Variants in PLEKHG5 observed in about 807,000 individuals in gnomAD.
PLEKHG5 encodes the protein pleckstrin homology domain-containing family G member 5.
Under a neutral mutation model 103.8 loss-of-function variants are expected in PLEKHG5, and 52 were observed. That is an observed-to-expected ratio of 0.50 (90% CI 0.40 to 0.63). PLEKHG5 has a LOEUF of 0.63. Ranked by LOEUF, PLEKHG5 falls within the 30% of genes least tolerant of loss-of-function variation. The pLI, the probability that PLEKHG5 is intolerant of heterozygous loss-of-function variation, is 0.00. For missense variants in PLEKHG5, 1,205 were observed against 1,347.6 expected, an observed-to-expected ratio of 0.89 and a Z score of 1.66; for synonymous variants, 592 against 575.5, an observed-to-expected ratio of 1.03 and a Z score of -0.41.
At chr1:6,470,694 G>A (rs779230484) in intron 14 of PLEKHG5, 41 bp downstream of exon 14, 2 of 1,552,224 alleles carry the variant, frequency 1.3e-6, no homozygotes, top group African/African-American at 2.7e-5. Flanking sequence ...GGAGCAGAGA[G>A]CCGCGCAGGG....
intron 1 of PLEKHG5, among the ~76,000 whole-genome samples, chr1:6,483,868 C>A (rs2148610670): frequency 6.6e-6 from 1 of 152,350 alleles, no homozygotes; most frequent in South Asian, 2.1e-4. Context: ...TGGGAGCCCC[C>A]CGTCTGCGGG....
chr1:6,469,028 A>C lies in PLEKHG5; in HGVS notation c.2249+14T>G, dbSNP rs1397854844. The C allele has an allele frequency of 3.7e-6, 6 of 1,610,376 alleles. No homozygotes were observed. In the African/African-American group the frequency reaches 6.7e-5, roughly 18 times the overall value. Reference sequence around the variant, plus strand: ...TCCTGGTTTGACCTGCTGGGTGGTCATGAGCAGACGTACCAGTGCTGAGAG... The same window carrying C: ...TCCTGGTTTGACCTGCTGGGTGGTCCTGAGCAGACGTACCAGTGCTGAGAG... On this transcript the variant is annotated intron_variant, in intron 19 of 20. Transcript: ENST00000377728.
At position 6,474,224 on chromosome 1, in the gene PLEKHG5, C is replaced by T. The variant is rs558928481; in HGVS notation, c.440-60G>A. ...CTGGTCTGGTGGAGGAGGGGGTCCC[C>T]GGTCCTCTCTCCCCGGAGGATCCAC... On this transcript the variant is annotated intron_variant, in intron 6 of 20. Coordinates refer to ENST00000377728, the MANE Select transcript of PLEKHG5 (RefSeq NM_020631.6). 500 of 1,586,684 alleles carry T rather than the reference C, an allele frequency of 3.2e-4. 4 individuals are homozygous for T. In the African/African-American group the frequency reaches 5.1e-3, roughly 16 times the overall value.
chr1:6,507,740 C>G (rs369382544), intron 1 of PLEKHG5, among the ~76,000 whole-genome samples: 1 of 152,198 alleles, frequency 6.6e-6, no homozygotes, highest in African/African-American at 2.4e-5. Flanking sequence ...TTGAATAATT[C>G]GAACCATATG....
Position 6,470,590 on chromosome 1 carries a change from C to T in PLEKHG5, c.1596G>A (p.Arg532=), listed in dbSNP as rs777519794. The change falls in exon 15 of 21, where the codon CGG becomes CGA. Residue 532 remains arginine (R), a synonymous_variant. Coordinates refer to ENST00000377728, the MANE Select transcript of PLEKHG5 (RefSeq NM_020631.6). The part of the protein sequence containing the change: ...IHHVNACMRQ[R]QERQRLAAVV... ...CGGCCGCCAGCCGCTGCCGCTCCTG[C>T]CGCTGCCGCATGCACGCGTTCACGT... The T allele has an allele frequency of 1.9e-5, 30 of 1,602,966 alleles. No homozygotes were observed. The Middle Eastern group carries it at 6.9e-4, about 37-fold the overall frequency.
upstream of PLEKHG5, among the ~76,000 whole-genome samples, chr1:6,493,284 G>C (rs1645177760): frequency 6.6e-6 from 1 of 152,192 alleles, no homozygotes; most frequent in Non-Finnish European, 1.5e-5. Context: ...TCACCTCCAG[G>C]AGGGCATCCC....
At position 6,474,163 on chromosome 1, in the gene PLEKHG5, G is replaced by T. The variant is rs1387784761; in HGVS notation, c.441C>A (p.Ala147=). The change falls in exon 7 of 21, where the codon GCC becomes GCA. Residue 147 remains alanine, a splice_region_variant and synonymous_variant. Coordinates refer to ENST00000377728, the MANE Select transcript of PLEKHG5 (RefSeq NM_020631.6). The part of the protein sequence containing the change: ...RFGGHYLRVK[A]PAKPGDEGKV... ...TGCCCTCATCTCCAGGCTTGGCTGG[G>T]GCTGCATGTGGGGGCCACGAGAGAT... 6 of 1,613,328 alleles carry T rather than the reference G, an allele frequency of 3.7e-6. No individual in the cohort carries two copies. The highest frequency in any genetic ancestry group is 5.1e-6 in the Non-Finnish European group (6 of 1,179,920).
intron 1 of PLEKHG5, among the ~76,000 whole-genome samples, chr1:6,479,577 T>C (rs1012867811): frequency 3.3e-5 from 5 of 151,772 alleles, no homozygotes; most frequent in South Asian, 2.1e-4. Context: ...TGAGCCACCG[T>C]GCCCAGCCTT....
chr1:6,512,078 C>A (rs1281940277), intron 1 of PLEKHG5, among the ~76,000 whole-genome samples: 5 of 152,202 alleles, frequency 3.3e-5, no homozygotes, highest in African/African-American at 1.2e-4. Context: ...CTCCTTTAAT[C>A]TACCCAGTGG....
chr1:6,504,597 T>C (rs1424896452), intron 1 of PLEKHG5, among the ~76,000 whole-genome samples: 2 of 147,820 alleles, frequency 1.4e-5, no homozygotes, highest in Non-Finnish European at 1.5e-5. Context: ...TGAGATGGAG[T>C]CTCGCTCTGT....
chr1:6,513,989 G>A (rs1638546941), intron 1 of PLEKHG5, among the ~76,000 whole-genome samples: 1 of 152,208 alleles, frequency 6.6e-6, no homozygotes, highest in Non-Finnish European at 1.5e-5. Context: ...TATGGGCCTG[G>A]AGGGGTTCTG....
chr1:6,473,307 C>G lies in PLEKHG5; in HGVS notation c.739G>C (p.Ala247Pro), dbSNP rs772232182. ...NTGDSWKNRA[A>P]SRFSGFFSSG... is the part of the protein sequence containing the mutation. ...CTGAAAAAGCCGCTGAAGCGACTGG[C>G]CGCCCGGTTCTTCCAGCTGTCGCCA... Residue 247 changes from alanine to proline, a missense_variant, in exon 8 of 21, where the codon GCC becomes CCC. Coordinates refer to ENST00000377728, the MANE Select transcript of PLEKHG5 (RefSeq NM_020631.6). 7.0e-6 allele frequency: 11 copies of G among 1,578,726 alleles called. No individual in the cohort carries two copies. In the South Asian group the frequency reaches 1.3e-4, roughly 18 times the overall value.
intron 1 of PLEKHG5, among the ~76,000 whole-genome samples, chr1:6,478,680 G>A (rs559784864): frequency 5.3e-5 from 8 of 152,146 alleles, no homozygotes; most frequent in African/African-American, 1.9e-4. Flanking sequence ...GTCTCGCTCT[G>A]TTGCCCAGGC....
At chr1:6,497,588 C>T (rs1645247979), upstream of PLEKHG5, among the ~76,000 whole-genome samples, 1 of 152,092 alleles carries the variant, frequency 6.6e-6, no homozygotes, top group African/African-American at 2.4e-5. This position sits in a 1 kb window ranked among gnomAD's most constrained non-coding sequence, Gnocchi z 6.1. Flanking sequence ...GCTGCCTCCA[C>T]CTCCCGGAGG....
At chr1:6,484,864 G>A (rs903862446) in intron 1 of PLEKHG5, among the ~76,000 whole-genome samples, 3 of 142,418 alleles carry the variant, frequency 2.1e-5, no homozygotes, top group African/African-American at 9.3e-5. Flanking sequence ...AATAACAGAG[G>A]GGGGCCCTTT....
chr1:6,494,949 C>A (rs977899851), upstream of PLEKHG5, among the ~76,000 whole-genome samples: 1 of 152,212 alleles, frequency 6.6e-6, no homozygotes, highest in African/African-American at 2.4e-5. Context: ...TGCAGAGGGA[C>A]CATACCCACT....
chr1:6,472,722 G>C lies in PLEKHG5; in HGVS notation c.985-100C>G. 1.0e-5 allele frequency: 9 copies of C among 871,294 alleles called. No individual in the cohort carries two copies. In the South Asian group the frequency reaches 1.3e-4, roughly 12 times the overall value. The allele number at this position is 871,294 out of a possible 1,614,324, so 54.0% of individuals were successfully genotyped here. A position where few individuals can be genotyped will look rare whatever the true frequency, so the allele number is the denominator to read the frequency against. ...CATGCAACTCTCATTTTCCCAATGG[G>C]GACATGGAGGTCCCAAGAGGAGCAG... On this transcript the variant is annotated intron_variant, in intron 9 of 20. Transcript: ENST00000377728.
intron 2 of PLEKHG5, 59 bp from the exon 3 acceptor site, chr1:6,476,095 G>C: frequency 6.9e-7 from 1 of 1,453,470 alleles, no homozygotes; most frequent in Non-Finnish European, 9.6e-7. Context: ...CTGCAGCATG[G>C]CTGCCTCCAG....
chr1:6,467,362 G>C lies in PLEKHG5; in HGVS notation c.*201C>G. Reference sequence around the variant, plus strand: ...GTGACGAGGGGCTGCCTGGGCAGGTGGGGTGGTACTGTGGCCTGGGCCTCC... The same window carrying C: ...GTGACGAGGGGCTGCCTGGGCAGGTCGGGTGGTACTGTGGCCTGGGCCTCC... On this transcript the variant is annotated 3_prime_UTR_variant, in exon 21 of 21. Coordinates refer to ENST00000377728, the MANE Select transcript of PLEKHG5 (RefSeq NM_020631.6). 4 of 706,412 alleles carry C rather than the reference G, an allele frequency of 5.7e-6. No homozygotes were observed. The highest frequency in any genetic ancestry group is 1.0e-5 in the Non-Finnish European group (4 of 387,162). The allele number at this position is 706,412 out of a possible 1,614,324, so 43.8% of individuals were successfully genotyped here. A position where few individuals can be genotyped will look rare whatever the true frequency, so the allele number is the denominator to read the frequency against.
Sources: allele counts gnomAD v4.1 joint callset (sites outside exome capture counted in the v4.1 genomes callset), GRCh38; gene constraint gnomAD v4.1.1; non-coding constraint Gnocchi (gnomAD v3.1); transcripts MANE v1.5; gene names NCBI Gene and HGNC (gene_info 2026-07-23, HGNC 2026-07-21).